CACNA1H: variants seen among roughly 807,000 people sequenced by gnomAD.
CACNA1H encodes the protein calcium voltage-gated channel subunit alpha1 H.
A neutral mutation model predicts 192.5 loss-of-function variants in CACNA1H; 149 were observed. The observed-to-expected ratio is 0.77, with a 90% confidence interval of 0.68 to 0.89. The LOEUF is 0.89. Ranked by LOEUF, CACNA1H falls within the 40% of genes least tolerant of loss-of-function variation. The pLI, the probability that CACNA1H is intolerant of heterozygous loss-of-function variation, is 0.00. For synonymous variants in CACNA1H, 2,202 were observed against 1,475.2 expected (o/e 1.49, Z -11.29); for missense variants, 4,257 against 3,423.5 (o/e 1.24, Z -6.08).
chr16:1,156,667 G>A lies in CACNA1H; in HGVS notation c.299+2631G>A, dbSNP rs1962444459. The stretch of plus-strand genomic sequence containing the variant: ...GAAGAGGGTGAACTCTGAGAGGGAG[G>A]GATAATCGGATTTGCTCAGGGAACC... On this transcript the variant is annotated intron_variant, in intron 2 of 34. Transcript: ENST00000348261. Among the ~76,000 whole-genome samples the A allele has an allele frequency of 2.0e-5, 3 of 152,162 alleles. No homozygotes were observed. In the South Asian group the frequency reaches 6.2e-4, roughly 32 times the overall value.
At chr16:1,171,666 C>T (rs1295785019) in intron 2 of CACNA1H, among the ~76,000 whole-genome samples, 1 of 152,178 alleles carries the variant, frequency 6.6e-6, no homozygotes. Flanking sequence ...GGGCTGCCTC[C>T]GTCCTTCCCG....
At chr16:1,174,070 G>A (rs1964630149) in intron 2 of CACNA1H, among the ~76,000 whole-genome samples, 1 of 152,210 alleles carries the variant, frequency 6.6e-6, no homozygotes, top group Admixed American at 6.5e-5. Context: ...CTCCTGATAC[G>A]GGGAGCTGTC....
intron 10 of CACNA1H, 30 bp from the exon 11 acceptor site, chr16:1,205,084 C>G (rs1433601908): frequency 6.3e-7 from 1 of 1,598,372 alleles, no homozygotes; most frequent in South Asian, 1.1e-5. Flanking sequence ...CGGGTGCGGC[C>G]TCCTGAACTG....
At chr16:1,215,668 T>A in intron 30 of CACNA1H, 75 bp downstream of exon 30, 2 of 1,185,666 alleles carry the variant, frequency 1.7e-6, no homozygotes, top group South Asian at 1.3e-5. Context: ...GCCGTCCCCC[T>A]CTCCCCCTCA....
rs868016944 is a variant in CACNA1H, at chr16:1,162,640, G to T, written c.299+8604G>T. On this transcript the variant is annotated intron_variant, in intron 2 of 34. Coordinates refer to ENST00000348261, the MANE Select transcript of CACNA1H (RefSeq NM_021098.3). ...GCCAGCTCCTGCGGACACCTGGAGT[G>T]GGGGGGGGGGGTCCATCCTAGGAGG... Among the ~76,000 whole-genome samples, 67 of 62,820 alleles carry T rather than the reference G, an allele frequency of 1.1e-3. 2 individuals carry two copies. Among genetic ancestry groups the T allele is most frequent in the East Asian group, 2.4e-3 (6 of 2,510 alleles). The allele number at this position is 62,820 out of a possible 152,430, so 41.2% of individuals were successfully genotyped here.
In CACNA1H at chr16:1,215,531, C is replaced by T. The variant is rs1267755673; in HGVS notation, c.5182C>T (p.Leu1728=). The T allele has an allele frequency of 6.2e-7, 1 of 1,611,572 alleles. No individual in the cohort carries two copies. The highest frequency in any genetic ancestry group is 1.3e-5 in the African/African-American group (1 of 74,896). The change falls in exon 30 of 35, where the codon CTG becomes TTG. Residue 1728 remains leucine (L), a synonymous_variant. Transcript: ENST00000348261. ...RVLRIARVLK[L]LKMATGMRAL... ...TCAGCTCCCGGCCCTAGTGCTGAAG[C>T]TGCTGAAGATGGCTACGGGCATGCG...
At chr16:1,164,489 G>A (rs551236938) in intron 2 of CACNA1H, among the ~76,000 whole-genome samples, 94 of 152,280 alleles carry the variant, frequency 6.2e-4, no homozygotes, top group Admixed American at 2.2e-3. Context: ...GAGCCACCAC[G>A]CCGGGCCTCA....
chr16:1,162,640 G>C (rs868016944), intron 2 of CACNA1H, among the ~76,000 whole-genome samples: 44 of 62,824 alleles, frequency 7.0e-4, no homozygotes, highest in Non-Finnish European at 1.0e-3. Context: ...CACCTGGAGT[G>C]GGGGGGGGGG....
At chr16:1,201,371 G>T (rs916076309) in intron 8 of CACNA1H, among the ~76,000 whole-genome samples, 4 of 152,138 alleles carry the variant, frequency 2.6e-5, no homozygotes, top group Admixed American at 1.3e-4. Context: ...CCGTTGAGAG[G>T]GTCATCTCAA....
chr16:1,189,648 C>T (rs1230768682), intron 2 of CACNA1H, among the ~76,000 whole-genome samples: 6 of 152,130 alleles, frequency 3.9e-5, no homozygotes, highest in Admixed American at 3.9e-4. Context: ...TCTCAGACTC[C>T]TGGGTTCCAA....
At chr16:1,156,281 C>T (rs1057220786) in intron 2 of CACNA1H, among the ~76,000 whole-genome samples, 8 of 152,232 alleles carry the variant, frequency 5.3e-5, no homozygotes, top group Non-Finnish European at 7.3e-5. Context: ...TTCTTGGCCC[C>T]GTGGAAACGC....
chr16:1,196,164 G>C (rs1966943278), intron 5 of CACNA1H, 141 bp downstream of exon 5: 2 of 667,286 alleles, frequency 3.0e-6, no homozygotes, highest in Middle Eastern at 2.5e-4. Context: ...CCAGACCCCA[G>C]CAGTGGGGTG....
chr16:1,206,072 C>T, intron 11 of CACNA1H, 32 bp from the exon 12 acceptor site: 1 of 1,527,548 alleles, frequency 6.5e-7, no homozygotes. Flanking sequence ...GGGATCGTGG[C>T]CCCGCTGACC....
In CACNA1H at chr16:1,165,459, A is replaced by AGGGAGCCG. The variant is rs1963663537; in HGVS notation, c.299+11424_299+11431dup. ...TAAGGAGGATGAGGCCTATGGTCTC[A>AGGGAGCCG]GGGAGCCGCGTGGGCCGAGCCCCCG... On this transcript the variant is annotated intron_variant, in intron 2 of 34. Coordinates refer to ENST00000348261, the MANE Select transcript of CACNA1H (RefSeq NM_021098.3). Among the ~76,000 whole-genome samples, 13 of 152,198 alleles carry AGGGAGCCG rather than the reference A, an allele frequency of 8.5e-5. No homozygotes were observed. The South Asian group carries it at 2.7e-3, about 31-fold the overall frequency.
intron 31 of CACNA1H, 71 bp downstream of exon 31, chr16:1,217,081 A>T: frequency 2.3e-6 from 3 of 1,292,306 alleles, no homozygotes; most frequent in East Asian, 2.5e-5. Context: ...CCATCCACTC[A>T]CACGCAGGCA....
At chr16:1,156,134 C>T (rs1230916008) in intron 2 of CACNA1H, among the ~76,000 whole-genome samples, 8 of 152,196 alleles carry the variant, frequency 5.3e-5, no homozygotes, top group Admixed American at 5.2e-4. Context: ...CTGCCTGCGG[C>T]ACGGCAGGAC....
Position 1,218,953 on chromosome 16 carries a change from A to T in CACNA1H, c.5888-17A>T. 1 of 1,549,210 alleles carries T rather than the reference A, an allele frequency of 6.5e-7. No homozygotes were observed. The highest frequency in any genetic ancestry group is 8.7e-7 in the Non-Finnish European group (1 of 1,146,694). Reference sequence around the variant, plus strand: ...GGCAGGGGCAGAGCTGCCAGCTTAGATTCTTCCCTGCCCCAGGCTCCGTTG... The same window carrying T: ...GGCAGGGGCAGAGCTGCCAGCTTAGTTTCTTCCCTGCCCCAGGCTCCGTTG... On this transcript the variant is annotated splice_polypyrimidine_tract_variant and intron_variant, in intron 33 of 34. Transcript: ENST00000348261.
intron 2 of CACNA1H, among the ~76,000 whole-genome samples, chr16:1,187,379 C>T (rs1194399819): frequency 6.6e-6 from 1 of 152,204 alleles, no homozygotes; most frequent in Non-Finnish European, 1.5e-5. Flanking sequence ...CAGCTGCAGT[C>T]TGTGCCCTGC....
Position 1,212,074 on chromosome 16 carries a change from G to A in CACNA1H, c.4695G>A (p.Gln1565=), listed in dbSNP as rs772532277. Residue 1565 remains glutamine, a synonymous_variant, in exon 25 of 35, where the codon CAG becomes CAA. Transcript: ENST00000348261. The part of the protein sequence containing the change: ...VENFHKCRQH[Q]EAEEARRREE... Reference sequence around the variant, plus strand: ...ACTTCCACAAGTGCCGGCAGCACCAGGAGGCGGAGGAGGCGCGGCGGCGAG... The same window carrying A: ...ACTTCCACAAGTGCCGGCAGCACCAAGAGGCGGAGGAGGCGCGGCGGCGAG... 6.2e-7 allele frequency: 1 copy of A among 1,612,710 alleles called. No individual in the cohort carries two copies. Among genetic ancestry groups the A allele is most frequent in the Non-Finnish European group, 8.5e-7 (1 of 1,179,646 alleles).
Sources: allele counts gnomAD v4.1 joint callset (sites outside exome capture counted in the v4.1 genomes callset), GRCh38; gene constraint gnomAD v4.1.1; transcripts MANE v1.5; gene names NCBI Gene and HGNC (gene_info 2026-07-23, HGNC 2026-07-21).